The following PPEF1 variants were observed in gnomAD, a reference collection of about 807,000 sequenced individuals.
PPEF1 encodes the protein protein phosphatase with EF-hand domain 1, also known as serine/threonine-protein phosphatase with EF-hands 1.
In PPEF1, 12 loss-of-function variants were observed where a neutral mutation model predicts 53.3. The observed-to-expected ratio is 0.23, with a 90% confidence interval of 0.14 to 0.36. The LOEUF (loss-of-function observed/expected upper bound fraction) is 0.36. Among genes scored for constraint, PPEF1 ranks in the 10% least tolerant of loss-of-function variants. PPEF1 has a pLI of 1.00. For synonymous variants in PPEF1, 165 were observed against 176.7 expected, an observed-to-expected ratio of 0.93 and a Z score of 0.52; for missense variants, 334 against 490.4, an observed-to-expected ratio of 0.68 and a Z score of 3.01.
rs189357444 is a variant in PPEF1, at chrX:18,735,364, G to A, written c.235+1556G>A. 3.9e-3 allele frequency among the ~76,000 whole-genome samples: 432 copies of A among 111,767 alleles called. 2 individuals carry two copies. The highest frequency in any genetic ancestry group is 0.013 in the African/African-American group (413 of 30,744). On this transcript the variant is annotated intron_variant, in intron 3 of 15. Transcript: ENST00000470157. ...TCCATATGGCTAGCCAGTTTTCCCA[G>A]CACCATTTATTAAATAGGGAACCCT...
At chrX:18,727,376 C>G (rs1486233459) in intron 1 of PPEF1, among the ~76,000 whole-genome samples, 1 of 111,343 alleles carries the variant, frequency 9.0e-6, no homozygotes, top group Admixed American at 9.6e-5. Context: ...CCTAGAGCCT[C>G]CATCATGGTA....
chrX:18,687,891 G>A (rs1488817675), intron 3 of PPEF1, among the ~76,000 whole-genome samples: 1 of 110,456 alleles, frequency 9.1e-6, no homozygotes, highest in Non-Finnish European at 1.9e-5. Flanking sequence ...GCTTTACCAT[G>A]TTGTCCAGGC....
At chrX:18,726,903 CT>C (rs1276000154) in intron 1 of PPEF1, among the ~76,000 whole-genome samples, 1 of 112,043 alleles carries the variant, frequency 8.9e-6, no homozygotes, top group Non-Finnish European at 1.9e-5. Flanking sequence ...CTCAAGTGTT[CT>C]GCCCACCTCG....
intron 4 of PPEF1, among the ~76,000 whole-genome samples, chrX:18,752,152 T>C (rs1007812555): frequency 1.3e-4 from 15 of 112,348 alleles, no homozygotes; most frequent in African/African-American, 4.2e-4. Context: ...TTTCCATTTA[T>C]TTATGTCTTT....
intron 13 of PPEF1, among the ~76,000 whole-genome samples, chrX:18,819,770 G>A (rs1399105367): frequency 8.9e-6 from 1 of 111,825 alleles, no homozygotes; most frequent in East Asian, 2.8e-4. Flanking sequence ...TGGGAGGAGA[G>A]AATAGAATGT....
intron 1 of PPEF1, among the ~76,000 whole-genome samples, chrX:18,710,958 A>G (rs1016253651): frequency 9.1e-6 from 1 of 110,057 alleles, no homozygotes; most frequent in Non-Finnish European, 1.9e-5. Context: ...GATTGGGTAA[A>G]GAAAATGTGT....
chrX:18,694,450 T>C (rs1929600174), intron 4 of PPEF1, among the ~76,000 whole-genome samples: 2 of 110,698 alleles, frequency 1.8e-5, no homozygotes, highest in Admixed American at 9.6e-5. Context: ...CTGGATATTG[T>C]ATTAAAAAAA....
intron 1 of PPEF1, among the ~76,000 whole-genome samples, chrX:18,709,502 G>GTTTTT (rs752416903): frequency 2.0e-5 from 2 of 101,089 alleles, no homozygotes; most frequent in African/African-American, 3.8e-5. Context: ...TTTGTTTTTT[G>GTTTTT]TTTTTTGTTT....
chrX:18,752,573 C>T (rs186763424), intron 4 of PPEF1, among the ~76,000 whole-genome samples: 1 of 111,305 alleles, frequency 9.0e-6, no homozygotes, highest in African/African-American at 3.3e-5. Context: ...TCTTGTTCCT[C>T]ATCGTAGGGG....
intron 10 of PPEF1, among the ~76,000 whole-genome samples, chrX:18,798,371 G>A (rs188041111): frequency 1.3e-4 from 15 of 111,939 alleles, no homozygotes; most frequent in African/African-American, 3.9e-4. Context: ...GCAGCATTGA[G>A]GAGGCTCCCA....
At chrX:18,749,648 A>G (rs2045398808) in intron 3 of PPEF1, 144 bp from the exon 4 acceptor site, 2 of 436,743 alleles carry the variant, frequency 4.6e-6, no homozygotes, top group Middle Eastern at 6.4e-4. Context: ...TCGTGGTTAT[A>G]TGTGGGCTGT....
At chrX:18,796,068 G>A (rs2046426459) in intron 10 of PPEF1, among the ~76,000 whole-genome samples, 1 of 112,278 alleles carries the variant, frequency 8.9e-6, no homozygotes, top group African/African-American at 3.2e-5. Context: ...CAATTCTCCT[G>A]TCTCAGCCTC....
chrX:18,815,728 T>A (rs1269988681), intron 12 of PPEF1, among the ~76,000 whole-genome samples: 2 of 110,753 alleles, frequency 1.8e-5, no homozygotes, highest in Non-Finnish European at 3.8e-5. Flanking sequence ...TCTTGGACAT[T>A]CTAAAAGTTT....
At chrX:18,700,144 G>A (rs1360591663) in intron 5 of PPEF1, 5 of 110,956 alleles carry the variant, frequency 4.5e-5, no homozygotes, top group Admixed American at 1.9e-4. Flanking sequence ...TTGCCTTCCC[G>A]GCTGAAAGGC....
chrX:18,809,670 A>C (rs954533862), intron 12 of PPEF1, among the ~76,000 whole-genome samples: 1 of 107,383 alleles, frequency 9.3e-6, no homozygotes, highest in Non-Finnish European at 1.9e-5. Flanking sequence ...GCACCACTGC[A>C]CTCCAGGTTG....
intron 3 of PPEF1, among the ~76,000 whole-genome samples, chrX:18,745,361 G>A (rs767708910): frequency 4.1e-4 from 43 of 105,089 alleles, no homozygotes; most frequent in African/African-American, 1.3e-3. Flanking sequence ...CTAGAGGCAC[G>A]CACCACCATG....
chrX:18,807,027 T>A (rs1278990684), intron 12 of PPEF1, among the ~76,000 whole-genome samples: 2 of 102,990 alleles, frequency 1.9e-5, no homozygotes, highest in African/African-American at 7.4e-5. Flanking sequence ...TTGTTTTTTT[T>A]CATTTGTTTT....
intron 12 of PPEF1, among the ~76,000 whole-genome samples, chrX:18,816,825 G>A (rs1015756456): frequency 1.8e-5 from 2 of 111,163 alleles, no homozygotes; most frequent in African/African-American, 6.5e-5. Flanking sequence ...AGTCCATTTT[G>A]TCTGCTATTG....
chrX:18,809,708 A>C (rs1016081323), intron 12 of PPEF1, among the ~76,000 whole-genome samples: 1 of 110,571 alleles, frequency 9.0e-6, no homozygotes, highest in Admixed American at 9.7e-5. Context: ...CTGTCTCAAA[A>C]AAAAAAAAAA....
Sources: gnomAD v4.1 joint callset for allele counts (sites outside exome capture counted in the v4.1 genomes callset) on GRCh38, gnomAD v4.1.1 for gene constraint, MANE v1.5 for transcripts, NCBI Gene and HGNC (gene_info 2026-07-23, HGNC 2026-07-21) for gene names.